Variants in ZBTB16 observed in about 807,000 individuals in gnomAD.
ZBTB16 encodes zinc finger and BTB domain-containing protein 16.
ZBTB16 carries 8 observed loss-of-function variants against 56.8 expected under a neutral mutation model. The observed-to-expected ratio is 0.14, with a 90% confidence interval of 0.08 to 0.25. ZBTB16 has a LOEUF of 0.25. Among genes scored for constraint, ZBTB16 ranks in the 10% least tolerant of loss-of-function variants. ZBTB16 has a pLI of 1.00. For synonymous variants in ZBTB16, 363 were observed against 368.5 expected (o/e 0.98, Z 0.17); for missense variants, 625 against 903.0 (o/e 0.69, Z 3.95).
At chr11:114,180,133 C>T (rs1056011908) in intron 3 of ZBTB16, among the ~76,000 whole-genome samples, 8 of 152,158 alleles carry the variant, frequency 5.3e-5, no homozygotes, top group African/African-American at 1.9e-4. Flanking sequence ...GGCTTTGAAC[C>T]TTCCTCCTTC....
At chr11:114,187,367 ATCT>A (rs762783624) in intron 4 of ZBTB16, 23 of 358,250 alleles carry the variant, frequency 6.4e-5, no homozygotes, top group Non-Finnish European at 1.0e-4. Flanking sequence ...TTATCAAAAC[ATCT>A]TCTTCCCTTG....
intron 2 of ZBTB16, among the ~76,000 whole-genome samples, chr11:114,116,238 T>C (rs1941171378): frequency 6.6e-6 from 1 of 152,152 alleles, no homozygotes; most frequent in Non-Finnish European, 1.5e-5. Flanking sequence ...AATGGTACAG[T>C]CTTCCTGTAG....
At chr11:114,140,312 C>G (rs1478588821) in intron 2 of ZBTB16, among the ~76,000 whole-genome samples, 4 of 152,186 alleles carry the variant, frequency 2.6e-5, no homozygotes, top group Admixed American at 2.6e-4. Flanking sequence ...TGAGATTGTC[C>G]TCAGGACCTG....
chr11:114,235,693 T>TTCTA (rs1944565157), intron 4 of ZBTB16, among the ~76,000 whole-genome samples: 1 of 114,304 alleles, frequency 8.7e-6, no homozygotes, highest in East Asian at 2.8e-4. Flanking sequence ...TTTCTTTCTT[T>TTCTA]TCTTTCTTTC....
intron 6 of ZBTB16, among the ~76,000 whole-genome samples, chr11:114,247,938 G>GCCAGGCC (rs1403911242): frequency 6.6e-6 from 1 of 151,614 alleles, no homozygotes; most frequent in African/African-American, 2.4e-5. Flanking sequence ...GCTCTTATTG[G>GCCAGGCC]CCAGGCCGGA....
At position 114,212,311 on chromosome 11, in the gene ZBTB16, TGAAA is replaced by T. The variant is rs756553089; in HGVS notation, c.1453+25291_1453+25294del. 7.2e-5 allele frequency among the ~76,000 whole-genome samples: 11 copies of T among 152,178 alleles called. No individual in the cohort carries two copies. In the East Asian group the frequency reaches 1.4e-3, roughly 19 times the overall value. On this transcript the variant is annotated intron_variant, in intron 4 of 6. Transcript: ENST00000335953. Reference sequence around the variant, plus strand: ...TGTCCCAAGAAGCTGGGAGTGACTTTGAAAGAAAGAAAGAAAGAAAGTAAGGGGC... The same window carrying T: ...TGTCCCAAGAAGCTGGGAGTGACTTTGAAAGAAAGAAAGAAAGTAAGGGGC...
chr11:114,205,366 C>T (rs372669413), intron 4 of ZBTB16, among the ~76,000 whole-genome samples: 24 of 150,790 alleles, frequency 1.6e-4, no homozygotes, highest in African/African-American at 5.1e-4. Context: ...GCCGAGATCG[C>T]GCCACTGCAC....
At chr11:114,074,051 C>T (rs1257507469) in intron 2 of ZBTB16, among the ~76,000 whole-genome samples, 1 of 152,200 alleles carries the variant, frequency 6.6e-6, no homozygotes, top group Non-Finnish European at 1.5e-5. Context: ...CAGCAGTATC[C>T]TCTTCTGTGA....
At chr11:114,115,545 C>T (rs61904451) in intron 2 of ZBTB16, among the ~76,000 whole-genome samples, 4 of 152,156 alleles carry the variant, frequency 2.6e-5, no homozygotes, top group African/African-American at 9.6e-5. Context: ...GAAGTTCCCG[C>T]GCTGTGCCTC....
At chr11:114,158,050 C>T (rs938184103) in intron 3 of ZBTB16, among the ~76,000 whole-genome samples, 1 of 152,136 alleles carries the variant, frequency 6.6e-6, no homozygotes, top group East Asian at 1.9e-4. Flanking sequence ...TCATGCTTCC[C>T]TTCAGCTTTG....
At chr11:114,210,804 A>G (rs1479151129) in intron 4 of ZBTB16, 1 of 218,246 alleles carries the variant, frequency 4.6e-6, no homozygotes, top group Non-Finnish European at 9.2e-6. Flanking sequence ...TGAGAATCTT[A>G]TACCACAGTG....
chr11:114,224,906 CAGTT>C (rs1944299762), intron 4 of ZBTB16, among the ~76,000 whole-genome samples: 1 of 152,128 alleles, frequency 6.6e-6, no homozygotes, highest in Non-Finnish European at 1.5e-5. Flanking sequence ...CAAAGGCAAA[CAGTT>C]TTGGTGTCAG....
rs1944895193 is a variant in ZBTB16 at position 114,250,305 on chromosome 11, GC to G, written c.1793-18del. 6.2e-7 allele frequency: 1 copy of G among 1,607,206 alleles called. No individual in the cohort carries two copies. The highest frequency in any genetic ancestry group is 2.2e-5 in the East Asian group (1 of 44,868). On this transcript the variant is annotated intron_variant, in intron 6 of 6. Coordinates refer to ENST00000335953, the MANE Select transcript of ZBTB16 (RefSeq NM_006006.6). The surrounding 1 kb of genome is among the most constrained non-coding windows in gnomAD (Gnocchi z 6.0). ...CTTCTGTCTGTCCTCACTTTCTCCT[GC>G]CCTGTCCCTCCGCCCTCAGGTGAGA...
intron 2 of ZBTB16, among the ~76,000 whole-genome samples, chr11:114,141,724 A>G (rs1046060381): frequency 1.3e-5 from 2 of 152,198 alleles, no homozygotes; most frequent in Non-Finnish European, 2.9e-5. Context: ...TTCCCGTTCT[A>G]CTAACTAGTG....
chr11:114,082,329 G>C (rs574688156), intron 2 of ZBTB16, among the ~76,000 whole-genome samples: 1 of 152,218 alleles, frequency 6.6e-6, no homozygotes, highest in African/African-American at 2.4e-5. Context: ...ATGAACTGTA[G>C]CTTCTTCATT....
chr11:114,227,732 G>T (rs960251532), intron 4 of ZBTB16, among the ~76,000 whole-genome samples: 9 of 152,200 alleles, frequency 5.9e-5, no homozygotes, highest in African/African-American at 2.2e-4. Flanking sequence ...ATTTAGTTTG[G>T]CTCTCCATTG....
intron 2 of ZBTB16, among the ~76,000 whole-genome samples, chr11:114,067,548 A>T (rs1939162686): frequency 6.6e-6 from 1 of 152,168 alleles, no homozygotes; most frequent in Non-Finnish European, 1.5e-5. Context: ...CTGGGACTAC[A>T]GATGTGTACC....
chr11:114,197,545 T>C (rs1430592053), intron 4 of ZBTB16, among the ~76,000 whole-genome samples: 1 of 152,050 alleles, frequency 6.6e-6, no homozygotes, highest in Non-Finnish European at 1.5e-5. Flanking sequence ...CTGCTTGCAC[T>C]GGCCCCTCTC....
chr11:114,111,909 T>C (rs1941016493), intron 2 of ZBTB16, among the ~76,000 whole-genome samples: 1 of 152,220 alleles, frequency 6.6e-6, no homozygotes, highest in South Asian at 2.1e-4. Flanking sequence ...TCTTCCCCTT[T>C]TACCCCAAGT....
Sources: gnomAD v4.1 joint callset for allele counts (sites outside exome capture counted in the v4.1 genomes callset) on GRCh38, gnomAD v4.1.1 for gene constraint, Gnocchi (gnomAD v3.1) non-coding constraint, MANE v1.5 for transcripts, NCBI Gene and HGNC (gene_info 2026-07-23, HGNC 2026-07-21) for gene names.